Variants in TRAK1 observed in about 807,000 individuals in gnomAD.
TRAK1 encodes trafficking kinesin protein 1.
A neutral mutation model predicts 92.1 loss-of-function variants in TRAK1; 33 were observed. The observed-to-expected ratio is 0.36, with a 90% confidence interval of 0.27 to 0.48. The LOEUF (loss-of-function observed/expected upper bound fraction) is 0.48, where lower values mean the gene tolerates loss of function less well. Ranked by LOEUF, TRAK1 falls within the 20% of genes least tolerant of loss-of-function variation. The probability of loss-of-function intolerance (pLI) is 0.99; values close to 1 mark genes in which losing one functional copy is unlikely to be tolerated. For missense variants in TRAK1, 1,123 were observed against 1,257.9 expected, an observed-to-expected ratio of 0.89 and a Z score of 1.62; for synonymous variants, 521 against 517.3, an observed-to-expected ratio of 1.01 and a Z score of -0.10.
intron 15 of TRAK1, among the ~76,000 whole-genome samples, chr3:42,222,611 A>C (rs1388940444): frequency 6.6e-6 from 1 of 152,228 alleles, no homozygotes; most frequent in Non-Finnish European, 1.5e-5. Flanking sequence ...GAGTCCCTCA[A>C]CTTGGGTTGT....
intron 10 of TRAK1, 124 bp from the exon 11 acceptor site, chr3:42,199,053 G>A: frequency 1.1e-6 from 1 of 906,930 alleles, no homozygotes. Context: ...TTGTGTTGTG[G>A]GAAGACCGTG....
chr3:42,188,304 T>G (rs899031883), intron 5 of TRAK1, among the ~76,000 whole-genome samples, 159 bp downstream of exon 5: 7 of 152,230 alleles, frequency 4.6e-5, no homozygotes, highest in Non-Finnish European at 1.0e-4. Flanking sequence ...TCAAACAGAT[T>G]GATTTTACTA....
rs143577949 is a variant in TRAK1, at chr3:42,221,459, T to C, written c.2067-1483T>C. 1.7e-3 allele frequency among the ~76,000 whole-genome samples: 266 copies of C among 152,288 alleles called. 1 individual carries two copies. Among genetic ancestry groups the C allele is most frequent in the African/African-American group, 5.6e-3 (234 of 41,560 alleles). On this transcript the variant is annotated intron_variant, in intron 15 of 15. Transcript: ENST00000327628. ...GGGGCCAGTTGGTTCCCCTAGCTTGTACGTTGCTTTGAACCTCGTGTTTCC... is the reference window on the plus strand; with the variant it reads ...GGGGCCAGTTGGTTCCCCTAGCTTGCACGTTGCTTTGAACCTCGTGTTTCC...
intron 1 of TRAK1, among the ~76,000 whole-genome samples, chr3:42,064,556 A>G (rs1184550826): frequency 6.6e-6 from 1 of 152,212 alleles, no homozygotes; most frequent in African/African-American, 2.4e-5. Flanking sequence ...CATAGAATGA[A>G]TGTTGCTTCA....
chr3:42,166,908 C>T (rs1022064046), intron 2 of TRAK1, among the ~76,000 whole-genome samples: 8 of 152,208 alleles, frequency 5.3e-5, no homozygotes, highest in South Asian at 2.1e-4. Flanking sequence ...ATTGTTCGTA[C>T]GGCTCTGGGT....
At chr3:42,061,129 A>G (rs1703421199) in intron 1 of TRAK1, among the ~76,000 whole-genome samples, 1 of 152,172 alleles carries the variant, frequency 6.6e-6, no homozygotes, top group Admixed American at 6.5e-5. Context: ...GTATAATTTT[A>G]GATTTATAGA....
At chr3:42,222,890 C>G (rs1379163013) in intron 15 of TRAK1, 52 bp from the exon 16 acceptor site, 13 of 1,571,420 alleles carry the variant, frequency 8.3e-6, no homozygotes, top group African/African-American at 8.1e-5. Context: ...CTGACCCTTT[C>G]TCTGGAGCTC....
At chr3:42,155,446 A>G (rs964784783) in intron 2 of TRAK1, among the ~76,000 whole-genome samples, 1 of 152,162 alleles carries the variant, frequency 6.6e-6, no homozygotes, top group South Asian at 2.1e-4. Flanking sequence ...TATGTCAAAG[A>G]GGCATATTTT....
At chr3:42,051,985 C>T (rs2148914660) in intron 1 of TRAK1, among the ~76,000 whole-genome samples, 1 of 152,316 alleles carries the variant, frequency 6.6e-6, no homozygotes, top group African/African-American at 2.4e-5. Context: ...GGAAGCCACC[C>T]TGTGCCTTTG....
Position 42,223,856 on chromosome 3 carries a change from C to A in TRAK1, c.*119C>A. 1 of 1,178,774 alleles carries A rather than the reference C, an allele frequency of 8.5e-7. No individual in the cohort carries two copies. The highest frequency in any genetic ancestry group is 1.2e-6 in the Non-Finnish European group (1 of 837,530). 73.0% of individuals were successfully genotyped at this position (1,178,774 alleles called of 1,614,324 possible). On this transcript the variant is annotated 3_prime_UTR_variant, in exon 16 of 16. Coordinates refer to ENST00000327628, the MANE Select transcript of TRAK1 (RefSeq NM_001042646.3). The surrounding 1 kb of genome is among the most constrained non-coding windows in gnomAD (Gnocchi z 6.1). ...TCTGCCCTTCTCTGTCCACCCCCTC[C>A]TAAGCTAGACAAATCAACCTCGTGC...
Position 42,225,469 on chromosome 3 carries a change from C to T in TRAK1, c.*1732C>T, listed in dbSNP as rs1184416522. 1 of 152,200 alleles carries T rather than the reference C, an allele frequency of 6.6e-6. No homozygotes were observed. Among genetic ancestry groups the T allele is most frequent in the Non-Finnish European group, 1.5e-5 (1 of 68,040 alleles). 9.4% of individuals were successfully genotyped at this position (152,200 alleles called of 1,614,324 possible). A position where few individuals can be genotyped will look rare whatever the true frequency, so the allele number is the denominator to read the frequency against. On this transcript the variant is annotated 3_prime_UTR_variant, in exon 16 of 16. Coordinates refer to ENST00000327628, the MANE Select transcript of TRAK1 (RefSeq NM_001042646.3). Reference sequence around the variant, plus strand: ...CTCCCTGCTGTTGTATGTGTGCATTCACTGCAAGTAACTTATATCTTTTTA... The same window carrying T: ...CTCCCTGCTGTTGTATGTGTGCATTTACTGCAAGTAACTTATATCTTTTTA...
chr3:42,074,338 C>T (rs373867556), intron 1 of TRAK1, among the ~76,000 whole-genome samples: 10 of 152,304 alleles, frequency 6.6e-5, no homozygotes, highest in African/African-American at 1.9e-4. Context: ...GGGCTGTCGA[C>T]GCTTTAAAAG....
intron 1 of TRAK1, among the ~76,000 whole-genome samples, chr3:42,074,739 A>G (rs1704077542): frequency 6.7e-6 from 1 of 149,986 alleles, no homozygotes; most frequent in African/African-American, 2.5e-5. Context: ...GGTTTATTAC[A>G]TGGGTAAATG....
chr3:42,140,789 C>T lies in TRAK1; in HGVS notation c.286+15175C>T, dbSNP rs552354659. On this transcript the variant is annotated intron_variant, in intron 2 of 15. Coordinates refer to ENST00000327628, the MANE Select transcript of TRAK1 (RefSeq NM_001042646.3). ...GGACGGAAGGTTAGGAAGCCTCTTC[C>T]GGGTCTTCCTCTCTTCTGCCATAGG... Among the ~76,000 whole-genome samples the T allele has an allele frequency of 1.8e-3, 281 of 152,330 alleles. 1 individual carries two copies. Among genetic ancestry groups the T allele is most frequent in the African/African-American group, 5.9e-3 (245 of 41,576 alleles).
chr3:42,114,691 T>C (rs996421602), intron 1 of TRAK1, among the ~76,000 whole-genome samples: 4 of 152,186 alleles, frequency 2.6e-5, no homozygotes, highest in African/African-American at 9.7e-5. Context: ...ATTTGATAAT[T>C]GTAGCATGTA....
At chr3:42,184,927 C>A in intron 4 of TRAK1, 126 bp downstream of exon 4, 1 of 882,840 alleles carries the variant, frequency 1.1e-6, no homozygotes, top group Non-Finnish European at 1.8e-6. Flanking sequence ...ACGACCGCGG[C>A]CTGAGCCCAG....
At chr3:42,197,733 G>A (rs1025200971) in intron 10 of TRAK1, among the ~76,000 whole-genome samples, 1 of 152,160 alleles carries the variant, frequency 6.6e-6, no homozygotes, top group African/African-American at 2.4e-5. Context: ...AACAAGGACT[G>A]AAAAAAGCCT....
chr3:42,177,843 T>C (rs1703419702), intron 3 of TRAK1, among the ~76,000 whole-genome samples: 1 of 152,182 alleles, frequency 6.6e-6, no homozygotes. Flanking sequence ...CACTCCTGTT[T>C]GATCCTCTGA....
chr3:42,210,403 TAAAA>T (rs10717713), intron 14 of TRAK1: 2,847 of 1,074,410 alleles, frequency 2.6e-3, no homozygotes, highest in East Asian at 8.2e-3. Context: ...GAAAGGCTGC[TAAAA>T]AAAAAAAAAA....
Sources: allele counts gnomAD v4.1 joint callset (sites outside exome capture counted in the v4.1 genomes callset), GRCh38; gene constraint gnomAD v4.1.1; non-coding constraint Gnocchi (gnomAD v3.1); transcripts MANE v1.5; gene names NCBI Gene and HGNC (gene_info 2026-07-23, HGNC 2026-07-21).